Variants in GNA14 observed in about 807,000 individuals in gnomAD.
GNA14 encodes the protein guanine nucleotide-binding protein subunit alpha-14.
Under a neutral mutation model 42.0 loss-of-function variants are expected in GNA14, and 50 were observed. The ratio of observed to expected loss-of-function variants is 1.19; its 90% CI spans 0.95 to 1.51. The LOEUF is 1.51. GNA14 is among the 40% of genes most tolerant of loss of function. The pLI is 0.00. For missense variants in GNA14, 473 were observed against 446.2 expected, an observed-to-expected ratio of 1.06 and a Z score of -0.54; for synonymous variants, 173 against 163.1, an observed-to-expected ratio of 1.06 and a Z score of -0.46.
chr9:77,462,049 C>T (rs985562745), intron 2 of GNA14, among the ~76,000 whole-genome samples: 1 of 152,196 alleles, frequency 6.6e-6, no homozygotes, highest in African/African-American at 2.4e-5. Context: ...GGCTTTTAGG[C>T]TGAGACCACT....
At chr9:77,557,268 A>AAGATTAGG (rs558035923) in intron 1 of GNA14, among the ~76,000 whole-genome samples, 1 of 152,168 alleles carries the variant, frequency 6.6e-6, no homozygotes, top group Non-Finnish European at 1.5e-5. Context: ...TGGAAAGAAA[A>AAGATTAGG]AGATTAGGAG....
intron 1 of GNA14, among the ~76,000 whole-genome samples, chr9:77,587,129 AG>A (rs1287385405): frequency 6.7e-6 from 1 of 148,930 alleles, no homozygotes; most frequent in Non-Finnish European, 1.5e-5. Flanking sequence ...TAAAAAAAAA[AG>A]AAAAGAAAAG....
chr9:77,425,136 G>A (rs973186950), intron 6 of GNA14, among the ~76,000 whole-genome samples: 17 of 152,112 alleles, frequency 1.1e-4, no homozygotes, highest in Admixed American at 9.2e-4. Context: ...TCATGGAGCC[G>A]ACTGGGAAGA....
At chr9:77,434,794 C>T (rs757930508) in intron 2 of GNA14, among the ~76,000 whole-genome samples, 9 of 152,264 alleles carry the variant, frequency 5.9e-5, no homozygotes, top group South Asian at 2.1e-4. Context: ...GGGCCAGTTT[C>T]GCCAGCATTC....
chr9:77,562,803 A>G (rs987193121), intron 1 of GNA14, among the ~76,000 whole-genome samples: 2 of 152,178 alleles, frequency 1.3e-5, no homozygotes, highest in African/African-American at 4.8e-5. Flanking sequence ...TGAAATTCCA[A>G]TTAAGTCATC....
intron 1 of GNA14, among the ~76,000 whole-genome samples, chr9:77,646,266 C>T (rs962807949): frequency 6.6e-6 from 1 of 152,222 alleles, no homozygotes; most frequent in Non-Finnish European, 1.5e-5. Flanking sequence ...GTGAGCTCTC[C>T]AGGGATCAGG....
chr9:77,443,279 T>G (rs1835764986), intron 2 of GNA14, among the ~76,000 whole-genome samples: 1 of 152,212 alleles, frequency 6.6e-6, no homozygotes, highest in Non-Finnish European at 1.5e-5. Context: ...ATAAAAATAC[T>G]TTTAAAAGCA....
chr9:77,437,331 G>C (rs545936512), intron 2 of GNA14, among the ~76,000 whole-genome samples: 1 of 152,310 alleles, frequency 6.6e-6, no homozygotes, highest in South Asian at 2.1e-4. Context: ...GATCAACTGA[G>C]GCCAGGAGTT....
intron 1 of GNA14, among the ~76,000 whole-genome samples, chr9:77,547,222 G>A (rs1004628628): frequency 6.6e-6 from 1 of 152,114 alleles, no homozygotes; most frequent in Non-Finnish European, 1.5e-5. Flanking sequence ...TCAGACAGTG[G>A]GGAAACACAG....
intron 1 of GNA14, among the ~76,000 whole-genome samples, chr9:77,624,031 G>A (rs368126283): frequency 1.2e-4 from 19 of 152,204 alleles, no homozygotes; most frequent in African/African-American, 3.9e-4. Flanking sequence ...TGAAATTCTC[G>A]CCACTAGCAC....
At chr9:77,497,711 A>G (rs1166060922) in intron 2 of GNA14, among the ~76,000 whole-genome samples, 1 of 152,112 alleles carries the variant, frequency 6.6e-6, no homozygotes, top group Non-Finnish European at 1.5e-5. Flanking sequence ...GAGCTAACAT[A>G]TTTATATACA....
intron 2 of GNA14, among the ~76,000 whole-genome samples, chr9:77,478,184 C>A (rs149518429): frequency 0.028 from 4,279 of 151,508 alleles, 208 homozygotes; most frequent in African/African-American, 0.098. Context: ...CTCCTCCCCC[C>A]ACCCCACAAC....
chr9:77,457,215 AAGAG>A (rs1836015807), intron 2 of GNA14, among the ~76,000 whole-genome samples: 1 of 152,240 alleles, frequency 6.6e-6, no homozygotes, highest in Non-Finnish European at 1.5e-5. Context: ...GCGAGAGAGA[AAGAG>A]AGAGACAAGG....
intron 1 of GNA14, among the ~76,000 whole-genome samples, chr9:77,641,941 GA>G (rs1824274749): frequency 6.6e-6 from 1 of 152,152 alleles, no homozygotes; most frequent in Non-Finnish European, 1.5e-5. Context: ...ACTGCCAAGG[GA>G]AAAGGGCATA....
intron 2 of GNA14, among the ~76,000 whole-genome samples, chr9:77,484,668 A>G (rs1199406577): frequency 1.3e-5 from 2 of 152,202 alleles, no homozygotes. Context: ...CAAGACCTTC[A>G]GTGGACACCC....
chr9:77,462,435 C>T (rs1374291680), intron 2 of GNA14, among the ~76,000 whole-genome samples: 2 of 152,152 alleles, frequency 1.3e-5, no homozygotes, highest in Non-Finnish European at 2.9e-5. Context: ...AATAACTTAG[C>T]TCAGGCTGGG....
At chr9:77,480,061 G>A (rs1215884798) in intron 2 of GNA14, among the ~76,000 whole-genome samples, 3 of 152,178 alleles carry the variant, frequency 2.0e-5, no homozygotes, top group East Asian at 3.9e-4. Flanking sequence ...CTGCCTGATT[G>A]CCCTGGCCAG....
chr9:77,561,676 G>A (rs1353654638), intron 1 of GNA14, among the ~76,000 whole-genome samples: 1 of 152,110 alleles, frequency 6.6e-6, no homozygotes, highest in East Asian at 1.9e-4. Flanking sequence ...TCCTTGGAAT[G>A]ACAAAAAAAT....
chr9:77,602,319 T>C (rs1823579784), intron 1 of GNA14, among the ~76,000 whole-genome samples: 2 of 152,226 alleles, frequency 1.3e-5, no homozygotes, highest in South Asian at 4.1e-4. Context: ...CACTATAGAC[T>C]AAATTCTTTT....
Sources: allele counts gnomAD v4.1 joint callset (sites outside exome capture counted in the v4.1 genomes callset), GRCh38; gene constraint gnomAD v4.1.1; transcripts MANE v1.5; gene names NCBI Gene and HGNC (gene_info 2026-07-23, HGNC 2026-07-21).